ZNF318: variants seen among roughly 807,000 people sequenced by gnomAD.
The protein encoded by ZNF318 is zinc finger protein 318, also known as endocrine regulator.
ZNF318 carries 51 observed loss-of-function variants against 124.2 expected under a neutral mutation model. That is an observed-to-expected ratio of 0.41 (90% CI 0.33 to 0.52). The LOEUF (loss-of-function observed/expected upper bound fraction) is 0.52, where lower values mean the gene tolerates loss of function less well. Ranked by LOEUF, ZNF318 falls within the 20% of genes least tolerant of loss-of-function variation. The probability of loss-of-function intolerance (pLI) is 0.23; values close to 1 mark genes in which losing one functional copy is unlikely to be tolerated. For missense variants in ZNF318, 2,815 were observed against 2,811.2 expected (o/e 1.00, Z -0.03); for synonymous variants, 1,090 against 1,040.7 (o/e 1.05, Z -0.91).
At chr6:43,360,805 A>G (rs1238131911) in intron 2 of ZNF318, among the ~76,000 whole-genome samples, 2 of 152,222 alleles carry the variant, frequency 1.3e-5, no homozygotes, top group Admixed American at 1.3e-4. Flanking sequence ...TTAAAAAAAA[A>G]TATGCTAAGT....
chr6:43,343,020 G>A, intron 6 of ZNF318, 141 bp from the exon 7 acceptor site: 1 of 672,444 alleles, frequency 1.5e-6, no homozygotes. Context: ...AAGTTGGGGG[G>A]AACCCTAACA....
rs143349706 is a variant in ZNF318 at position 43,365,970 on chromosome 6, A to C, written c.400-530T>G. On this transcript the variant is annotated intron_variant, in intron 1 of 9. Transcript: ENST00000361428. ...GGGCATGGGAAAAGAGAAGTGAATA[A>C]AGTCCCTGCTCTCAGAACCCTACTT... 6.0e-4 allele frequency among the ~76,000 whole-genome samples: 92 copies of C among 152,320 alleles called. 1 individual carries two copies. Among genetic ancestry groups the C allele is most frequent in the African/African-American group, 2.1e-3 (88 of 41,572 alleles).
Position 43,339,053 on chromosome 6 carries a change from T to A in ZNF318, c.4945A>T (p.Thr1649Ser). Residue 1649 changes from threonine (T) to serine (S), a missense_variant, in exon 10 of 10, where the codon ACT (threonine) becomes TCT (serine). Coordinates refer to ENST00000361428, the MANE Select transcript of ZNF318 (RefSeq NM_014345.3). The surrounding 1 kb of genome is among the most constrained non-coding windows in gnomAD (Gnocchi z 4.2). ...VSNSEKPIAK[T>S]LVALGKWSVV... is the part of the protein sequence containing the mutation. ...GACCATTTCCCTAGGGCCACCAGAGTTTTTGCAATGGGCTTTTCAGAGTTG... is the reference window on the plus strand; with the variant it reads ...GACCATTTCCCTAGGGCCACCAGAGATTTTGCAATGGGCTTTTCAGAGTTG... The A allele has an allele frequency of 1.2e-6, 2 of 1,614,000 alleles. No homozygotes were observed. The highest frequency in any genetic ancestry group is 2.7e-5 in the African/African-American group (2 of 74,968).
chr6:43,348,316 G>C lies in ZNF318; in HGVS notation c.3072+8C>G. On this transcript the variant is annotated splice_region_variant and intron_variant, in intron 6 of 9. Transcript: ENST00000361428. The stretch of plus-strand genomic sequence containing the variant: ...AAGATGATAGAAATGGAAAAATTGA[G>C]TTGTTACCTTGTTGGAGGAGGAGTT... 6.3e-7 allele frequency: 1 copy of C among 1,597,204 alleles called. No homozygotes were observed. Among genetic ancestry groups the C allele is most frequent in the Non-Finnish European group, 8.5e-7 (1 of 1,173,660 alleles).
At chr6:43,351,340 A>G (rs1204443707) in intron 5 of ZNF318, among the ~76,000 whole-genome samples, 1 of 152,250 alleles carries the variant, frequency 6.6e-6, no homozygotes, top group Non-Finnish European at 1.5e-5. Flanking sequence ...TAGACTGGAT[A>G]ATAGTACTGT....
chr6:43,369,025 G>A lies in ZNF318; in HGVS notation c.341C>T (p.Ser114Phe), dbSNP rs1192187181. 5 of 1,427,750 alleles carry A rather than the reference G, an allele frequency of 3.5e-6. No individual in the cohort carries two copies. In the Admixed American group the frequency reaches 7.7e-5, roughly 22 times the overall value. The allele number at this position is 1,427,750 out of a possible 1,614,324, so 88.4% of individuals were successfully genotyped here. ...AGFRGSSRGE[S>F]RADYARDGRG... ...GCCGTCCCGGGCATAGTCGGCGCGGGACTCCCCCCGGCTGCTGCCTCTGAA... is the reference window on the plus strand; with the variant it reads ...GCCGTCCCGGGCATAGTCGGCGCGGAACTCCCCCCGGCTGCTGCCTCTGAA... The change falls in exon 1 of 10, where the codon TCC (serine) becomes TTC (phenylalanine). Residue 114 changes from serine (S) to phenylalanine (F), a missense_variant. This residue lies in a region of ZNF318 where 1,377 missense variants were observed against 1,353.5 expected (regional missense o/e 1.02). Transcript: ENST00000361428.
rs146637390 is a variant in ZNF318 at position 43,340,568 on chromosome 6, G to A, written c.3496-66C>T. ...TACAAGAGAAAAAAATCTTGGCCCC[G>A]CTACTGTTAGAATTCATTTAGTAGA... On this transcript the variant is annotated intron_variant, in intron 9 of 9. Coordinates refer to ENST00000361428, the MANE Select transcript of ZNF318 (RefSeq NM_014345.3). The A allele has an allele frequency of 3.8e-4, 565 of 1,503,268 alleles. 3 individuals are homozygous for A. The African/African-American group carries it at 7.1e-3, about 19-fold the overall frequency. The allele number at this position is 1,503,268 out of a possible 1,614,324, so 93.1% of individuals were successfully genotyped here.
rs199508008 is a variant in ZNF318 at position 43,357,461 on chromosome 6, T to C, written c.853A>G (p.Met285Val). The change falls in exon 3 of 10, where the codon ATG becomes GTG. Residue 285 changes from methionine to valine, a missense_variant. By Grantham distance (21) the Met-to-Val change is conservative (BLOSUM62 1). Transcript: ENST00000361428. Reference sequence around the variant, plus strand: ...GTAAAACTTGGGTGATCCCCTCCCATGCTGTTTATCTTCACTGTGTCATCA... The same window carrying C: ...GTAAAACTTGGGTGATCCCCTCCCACGCTGTTTATCTTCACTGTGTCATCA... ...RYDDTVKINS[M>V]GGDHPSFTSG... 10 of 1,614,204 alleles carry C rather than the reference T, an allele frequency of 6.2e-6. No homozygotes were observed. In the Admixed American group the frequency reaches 6.7e-5, roughly 11 times the overall value.
At chr6:43,351,412 G>C (rs1404597482) in intron 5 of ZNF318, among the ~76,000 whole-genome samples, 1 of 152,098 alleles carries the variant, frequency 6.6e-6, no homozygotes, top group Non-Finnish European at 1.5e-5. Flanking sequence ...TTTGTTGTTA[G>C]GAAATACTTA....
At chr6:43,367,953 A>C (rs559312645) in intron 1 of ZNF318, among the ~76,000 whole-genome samples, 108 of 152,296 alleles carry the variant, frequency 7.1e-4, no homozygotes, top group Admixed American at 2.4e-3. Flanking sequence ...TGAACCCCGG[A>C]GGCGGAGGTT....
rs754433052 is a variant in ZNF318, at chr6:43,337,278, C to T, written c.6720G>A (p.Val2240=). ...CCTGCTCCCTTGGAGGGGACCTTGA[C>T]ACTGGAGCTTTAACCAAATTCAGAG... is the stretch of plus-strand genomic sequence containing the variant. ...GDPLNLVKAP[V]SRSPPREQVI... The change falls in exon 10 of 10, where the codon GTG becomes GTA. Residue 2240 remains valine (V), a synonymous_variant. Transcript: ENST00000361428. 11 of 1,614,074 alleles carry T rather than the reference C, an allele frequency of 6.8e-6. No individual in the cohort carries two copies. Among genetic ancestry groups the T allele is most frequent in the Non-Finnish European group, 8.5e-6 (10 of 1,180,040 alleles).
At chr6:43,349,791 A>C (rs1356765761) in intron 5 of ZNF318, among the ~76,000 whole-genome samples, 1 of 152,132 alleles carries the variant, frequency 6.6e-6, no homozygotes, top group Non-Finnish European at 1.5e-5. Flanking sequence ...TGTGTGCCAA[A>C]TTTAAGGAAA....
chr6:43,356,980 T>C, intron 3 of ZNF318, 146 bp downstream of exon 3: 1 of 907,246 alleles, frequency 1.1e-6, no homozygotes, highest in Non-Finnish European at 1.6e-6. Context: ...CAGTTTCGTT[T>C]GGAGAGTCCT....
At chr6:43,359,758 C>G (rs1779657264) in intron 2 of ZNF318, among the ~76,000 whole-genome samples, 1 of 152,148 alleles carries the variant, frequency 6.6e-6, no homozygotes, top group Admixed American at 6.6e-5. Context: ...GAAAGGTTAT[C>G]AAGGACAAAC....
Position 43,357,512 on chromosome 6 carries a change from T to A in ZNF318, c.802A>T (p.Ser268Cys). The change falls in exon 3 of 10, where the codon AGC becomes TGC. Residue 268 changes from serine to cysteine, a missense_variant. Around this residue, in one of 4 missense-constraint regions of ZNF318, gnomAD observed 1,377 missense variants for 1,353.5 expected, o/e 1.02. Coordinates refer to ENST00000361428, the MANE Select transcript of ZNF318 (RefSeq NM_014345.3). ...TAACGGGGTCTTTTGGCCTCCCGGC[T>A]CCTTTCTTCAGATCGTATGGAGTAG... ...KGYSIRSEER[S>C]REAKRPRYDD... 6.2e-7 allele frequency: 1 copy of A among 1,614,162 alleles called. No homozygotes were observed. The highest frequency in any genetic ancestry group is 8.5e-7 in the Non-Finnish European group (1 of 1,180,026).
At position 43,342,793 on chromosome 6, in the gene ZNF318, C is replaced by A. The variant is rs761694610; in HGVS notation, c.3159G>T (p.Gln1053His). Residue 1053 changes from glutamine to histidine, a missense_variant, in exon 7 of 10, where the codon CAG becomes CAT. Coordinates refer to ENST00000361428, the MANE Select transcript of ZNF318 (RefSeq NM_014345.3). The stretch of plus-strand genomic sequence containing the variant: ...CATAATACTCATAAGCAGCAGTGGG[C>A]TGATCCAACTGCTTAGTGGCTGACT... ...SPQSATKQLD[Q>H]PTAAYEYYDA... 5 of 1,614,196 alleles carry A rather than the reference C, an allele frequency of 3.1e-6. No homozygotes were observed. The East Asian group carries it at 8.9e-5, about 29-fold the overall frequency.
intron 1 of ZNF318, among the ~76,000 whole-genome samples, chr6:43,367,232 A>C (rs999769234): frequency 4.6e-5 from 7 of 151,366 alleles, no homozygotes; most frequent in African/African-American, 1.5e-4. Flanking sequence ...TTATTATCCA[A>C]CTCTCCCTGC....
At chr6:43,364,970 C>A (rs950357466) in intron 2 of ZNF318, among the ~76,000 whole-genome samples, 1 of 152,228 alleles carries the variant, frequency 6.6e-6, no homozygotes, top group African/African-American at 2.4e-5. Flanking sequence ...CATAGTTTCA[C>A]TGTTTTAGAA....
intron 2 of ZNF318, among the ~76,000 whole-genome samples, chr6:43,361,832 G>A (rs1390221989): frequency 6.6e-6 from 1 of 152,132 alleles, no homozygotes; most frequent in East Asian, 1.9e-4. Flanking sequence ...TAAAGGAAGA[G>A]AAAGACTACT....
Sources: gnomAD v4.1 joint callset for allele counts (sites outside exome capture counted in the v4.1 genomes callset) on GRCh38, gnomAD v4.1.1 for gene constraint, gnomAD v4.1.1 regional missense constraint, Gnocchi (gnomAD v3.1) non-coding constraint, MANE v1.5 for transcripts, NCBI Gene and HGNC (gene_info 2026-07-23, HGNC 2026-07-21) for gene names.